The following TRANK1 variants were observed in gnomAD, a reference collection of about 807,000 sequenced individuals.
The protein encoded by TRANK1 is tetratricopeptide repeat and ankyrin repeat containing 1.
Under a neutral mutation model 266.0 loss-of-function variants are expected in TRANK1, and 198 were observed. That is an observed-to-expected ratio of 0.74 (90% CI 0.66 to 0.84). The LOEUF (loss-of-function observed/expected upper bound fraction) is 0.84. TRANK1 is among the 40% of genes least tolerant of loss of function. The pLI is 0.00. For missense variants in TRANK1, 3,326 were observed against 3,634.6 expected (o/e 0.92, Z 2.18); for synonymous variants, 1,396 against 1,384.1 (o/e 1.01, Z -0.19).
intron 1 of TRANK1, among the ~76,000 whole-genome samples, chr3:36,916,339 G>A (rs1223700176): frequency 1.3e-5 from 2 of 152,190 alleles, no homozygotes; most frequent in Admixed American, 6.5e-5. Flanking sequence ...GCCAAGGCGG[G>A]CAGATCACGA....
intron 1 of TRANK1, among the ~76,000 whole-genome samples, chr3:36,919,868 G>C (rs909343043): frequency 1.3e-5 from 2 of 152,016 alleles, no homozygotes; most frequent in African/African-American, 4.8e-5. Flanking sequence ...GCCTTTTATT[G>C]GCCATATGAG....
intron 8 of TRANK1, among the ~76,000 whole-genome samples, chr3:36,887,556 T>TTTAA (rs2125599254): frequency 1.3e-5 from 2 of 152,354 alleles, no homozygotes; most frequent in African/African-American, 4.8e-5. Flanking sequence ...GTCCAACCCA[T>TTTAA]GGCCCACACA....
chr3:36,943,193 TG>T (rs1239984373), intron 1 of TRANK1, among the ~76,000 whole-genome samples: 1 of 146,982 alleles, frequency 6.8e-6, no homozygotes. Context: ...ATCCCTCTGG[TG>T]GGGGGTGGGG....
At chr3:36,931,824 G>A (rs897529071) in intron 1 of TRANK1, among the ~76,000 whole-genome samples, 9 of 152,248 alleles carry the variant, frequency 5.9e-5, no homozygotes, top group African/African-American at 2.2e-4. Flanking sequence ...CAAGGTGGGA[G>A]GATCACTTAA....
intron 14 of TRANK1, 115 bp downstream of exon 14, chr3:36,852,031 C>T: frequency 7.3e-7 from 1 of 1,367,260 alleles, no homozygotes; most frequent in Non-Finnish European, 9.8e-7. Flanking sequence ...GGAACTCACC[C>T]ACTGTGGGAC....
chr3:36,945,315 G>C (rs1233709736), upstream of TRANK1, among the ~76,000 whole-genome samples: 1 of 152,170 alleles, frequency 6.6e-6, no homozygotes, highest in Non-Finnish European at 1.5e-5. Context: ...AATGTTGTCC[G>C]GGAGGTAAAG....
chr3:36,892,989 T>A lies in TRANK1; in HGVS notation c.553-5A>T, dbSNP rs1284976904. On this transcript the variant is annotated splice_region_variant and splice_polypyrimidine_tract_variant and intron_variant, in intron 5 of 23. Coordinates refer to ENST00000645898, the MANE Select transcript of TRANK1 (RefSeq NM_001329998.2). ...TGCTGACAGAAGCAGAAATGACTGG[T>A]GGGAGAAGACAGAAAAGGCTGGAAT... is the stretch of plus-strand genomic sequence containing the variant. The A allele has an allele frequency of 1.3e-6, 2 of 1,498,306 alleles. No homozygotes were observed. The highest frequency in any genetic ancestry group is 2.8e-5 in the African/African-American group (2 of 70,958). 92.8% of individuals were successfully genotyped at this position (1,498,306 alleles called of 1,614,324 possible).
chr3:36,917,197 A>T (rs926861816), intron 1 of TRANK1, among the ~76,000 whole-genome samples: 1 of 152,138 alleles, frequency 6.6e-6, no homozygotes, highest in African/African-American at 2.4e-5. Flanking sequence ...CTCCCTGAGG[A>T]TAACTATTGC....
intron 13 of TRANK1, among the ~76,000 whole-genome samples, chr3:36,854,386 G>T (rs1006349241): frequency 6.6e-6 from 1 of 151,354 alleles, no homozygotes; most frequent in Non-Finnish European, 1.5e-5. Context: ...AAGAAAGAAA[G>T]AAATCTCAAC....
chr3:36,886,167 C>T (rs1210567882), intron 8 of TRANK1, among the ~76,000 whole-genome samples: 3 of 124,354 alleles, frequency 2.4e-5, no homozygotes, highest in African/African-American at 9.3e-5. Flanking sequence ...CAAGTACTTG[C>T]TCTGTTGCCC....
Position 36,833,744 on chromosome 3 carries a change from T to A in TRANK1, c.5839A>T (p.Lys1947Ter). 6.2e-7 allele frequency: 1 copy of A among 1,613,984 alleles called. No individual in the cohort carries two copies. The highest frequency in any genetic ancestry group is 1.1e-5 in the South Asian group (1 of 91,082). ...EDQLVFLKSR[K>*]RLAEAADLLN... is the part of the protein sequence containing the mutation. ...AGGTCTGCAGCTTCTGCTAAGCGTT[T>A]CCGAGACTTCAAGAACACCAGCTGG... is the stretch of plus-strand genomic sequence containing the variant. The change falls in exon 22 of 24, where the codon AAA (lysine) becomes TAA (stop). Residue 1947 changes from lysine (K) to a stop codon, truncating the protein, a stop_gained. Transcript: ENST00000645898. LOFTEE classifies it high-confidence loss of function.
chr3:36,831,764 C>G lies in TRANK1; in HGVS notation c.7819G>C (p.Val2607Leu). The change falls in exon 22 of 24, where the codon GTT becomes CTT. Residue 2607 changes from valine to leucine, a missense_variant. Transcript: ENST00000645898. The surrounding 1 kb of genome is among the most constrained non-coding windows in gnomAD (Gnocchi z 5.0). ...QLMSMDCPGQ[V>L]PERLLKVVKR... Reference sequence around the variant, plus strand: ...ACCACCTTCAGGAGCCTCTCGGGAACCTGGCCAGGGCAGTCCATGCTCATG... The same window carrying G: ...ACCACCTTCAGGAGCCTCTCGGGAAGCTGGCCAGGGCAGTCCATGCTCATG... 6.2e-7 allele frequency: 1 copy of G among 1,613,962 alleles called. No homozygotes were observed. Among genetic ancestry groups the G allele is most frequent in the South Asian group, 1.1e-5 (1 of 91,066 alleles).
intron 8 of TRANK1, chr3:36,880,239 AT>A: frequency 4.0e-6 from 1 of 252,374 alleles, no homozygotes. Context: ...AGCAATTACA[AT>A]TTAAGGACCC....
rs1025174451 is a variant in TRANK1 at position 36,880,428 on chromosome 3, G to A, written c.908-6132C>T. 4 of 263,446 alleles carry A rather than the reference G, an allele frequency of 1.5e-5. No homozygotes were observed. In the Admixed American group the frequency reaches 1.7e-4, roughly 11 times the overall value. The allele number at this position is 263,446 out of a possible 1,614,324, so 16.3% of individuals were successfully genotyped here. A position where few individuals can be genotyped will look rare whatever the true frequency, so the allele number is the denominator to read the frequency against. On this transcript the variant is annotated intron_variant, in intron 8 of 23. Transcript: ENST00000645898. Reference sequence around the variant, plus strand: ...TCTTTCCTTTGATTTGCTCTCATCAGATTTACTGTGAGATAAAGTATTTTG... The same window carrying A: ...TCTTTCCTTTGATTTGCTCTCATCAAATTTACTGTGAGATAAAGTATTTTG...
At chr3:36,858,230 A>C (rs1444599559) in intron 12 of TRANK1, among the ~76,000 whole-genome samples, 181 bp from the exon 13 acceptor site, 1 of 152,130 alleles carries the variant, frequency 6.6e-6, no homozygotes, top group African/African-American at 2.4e-5. Context: ...TCCCCAAGGG[A>C]CATTTGGCAA....
At position 36,831,976 on chromosome 3, in the gene TRANK1, T is replaced by C; in HGVS notation, c.7607A>G (p.Tyr2536Cys). ...LSYLAKVLCG[Y>C]ENVNFNVLLD... is the part of the protein sequence containing the mutation. ...CAGGACGTTGAAGTTCACATTCTCATAGCCACATAGCACCTTGGCGAGGTA... is the reference window on the plus strand; with the variant it reads ...CAGGACGTTGAAGTTCACATTCTCACAGCCACATAGCACCTTGGCGAGGTA... The change falls in exon 22 of 24, where the codon TAT (tyrosine) becomes TGT (cysteine). Residue 2536 changes from tyrosine to cysteine, a missense_variant. Tyr to Cys is a radical substitution (Grantham distance 194). Coordinates refer to ENST00000645898, the MANE Select transcript of TRANK1 (RefSeq NM_001329998.2). This position sits in a 1 kb window ranked among gnomAD's most constrained non-coding sequence, Gnocchi z 5.0. 6.2e-7 allele frequency: 1 copy of C among 1,614,022 alleles called. No individual in the cohort carries two copies. The highest frequency in any genetic ancestry group is 8.5e-7 in the Non-Finnish European group (1 of 1,179,896).
intron 1 of TRANK1, among the ~76,000 whole-genome samples, chr3:36,927,476 A>C (rs2080304198): frequency 6.6e-6 from 1 of 152,232 alleles, no homozygotes. Context: ...CCTGCAAGTT[A>C]GCTCACTGCA....
At position 36,855,781 on chromosome 3, in the gene TRANK1, T is replaced by C; in HGVS notation, c.3941A>G (p.Asp1314Gly). The change falls in exon 13 of 24, where the codon GAC (aspartate) becomes GGC (glycine). Residue 1314 changes from aspartate to glycine, a missense_variant. Asp to Gly is a moderately conservative substitution (Grantham distance 94). Coordinates refer to ENST00000645898, the MANE Select transcript of TRANK1 (RefSeq NM_001329998.2). The stretch of plus-strand genomic sequence containing the variant: ...CGTCACGTACACCCGGGGGTCACTG[T>C]CACCCGTACGCATTTCTACAGCTTT... Reference protein sequence around the residue: ...EDKAVEMRTGDSDPRVYVTFE... With the variant: ...EDKAVEMRTGGSDPRVYVTFE... 2 of 1,613,798 alleles carry C rather than the reference T, an allele frequency of 1.2e-6. No individual in the cohort carries two copies. Among genetic ancestry groups the C allele is most frequent in the Non-Finnish European group, 1.7e-6 (2 of 1,179,860 alleles).
chr3:36,880,983 C>T (rs7613678), intron 8 of TRANK1, among the ~76,000 whole-genome samples: 48,870 of 148,722 alleles, frequency 0.33, 8,980 homozygotes, highest in East Asian at 0.57. Flanking sequence ...TATTCACTGC[C>T]TCTCAGCTGT....
Sources: gnomAD v4.1 joint callset for allele counts (sites outside exome capture counted in the v4.1 genomes callset) on GRCh38, gnomAD v4.1.1 for gene constraint, Gnocchi (gnomAD v3.1) non-coding constraint, MANE v1.5 for transcripts, NCBI Gene and HGNC (gene_info 2026-07-23, HGNC 2026-07-21) for gene names.